Variants in MYH11 observed in about 807,000 individuals in gnomAD.
The protein encoded by MYH11 is myosin heavy chain 11, also known as myosin-11.
A neutral mutation model predicts 246.6 loss-of-function variants in MYH11; 80 were observed. The ratio of observed to expected loss-of-function variants is 0.32; its 90% CI spans 0.27 to 0.39. The LOEUF (loss-of-function observed/expected upper bound fraction) is 0.39, where lower values mean the gene tolerates loss of function less well. Ranked by LOEUF, MYH11 falls within the 10% of genes least tolerant of loss-of-function variation. The pLI, the probability that MYH11 is intolerant of heterozygous loss-of-function variation, is 1.00. For missense variants in MYH11, 2,158 were observed against 2,546.8 expected (o/e 0.85, Z 3.29); for synonymous variants, 1,071 against 1,015.5 (o/e 1.05, Z -1.04).
Position 15,726,904 on chromosome 16 carries a change from A to G in MYH11, c.3802T>C (p.Cys1268Arg). 2 of 1,612,718 alleles carry G rather than the reference A, an allele frequency of 1.2e-6. No individual in the cohort carries two copies. The highest frequency in any genetic ancestry group is 8.5e-7 in the Non-Finnish European group (1 of 1,180,008). The change falls in exon 28 of 41, where the codon TGC (cysteine) becomes CGC (arginine). Residue 1268 changes from cysteine (C) to arginine (R), a missense_variant. Coordinates refer to ENST00000300036, the MANE Select transcript of MYH11 (RefSeq NM_002474.3). ...GCCCGGGCCCGCTCCCCATCGCTGC[A>G]CTTGGACTGCAGCTCCTGCACCTGC... is the stretch of plus-strand genomic sequence containing the variant. ...EAQVQELQSK[C>R]SDGERARAEL...
At chr16:15,714,886 C>T (rs1596695424) in intron 40 of MYH11, 23 bp downstream of exon 40, 1 of 1,612,600 alleles carries the variant, frequency 6.2e-7, no homozygotes, top group East Asian at 2.2e-5. Flanking sequence ...AGACGGGGTC[C>T]TCCCGGGCCA....
intron 3 of MYH11, among the ~76,000 whole-genome samples, chr16:15,813,210 G>C (rs943151375): frequency 1.3e-5 from 2 of 151,708 alleles, no homozygotes; most frequent in Non-Finnish European, 2.9e-5. Context: ...TTAATTAGCT[G>C]AGCATGGTGG....
Position 15,719,293 on chromosome 16 carries a change from C to T in MYH11, c.5098G>A (p.Glu1700Lys). Residue 1700 changes from glutamate to lysine, a missense_variant, in exon 36 of 41, where the codon GAG (glutamate) becomes AAG (lysine). This residue lies in a region of MYH11 where 1,013 missense variants were observed against 993.5 expected (regional missense o/e 1.02). Coordinates refer to ENST00000300036, the MANE Select transcript of MYH11 (RefSeq NM_002474.3). ...AGGTCCGCTTGTTTGCGAGCCCTCT[C>T]AGCGGCGGCGAGGTCCTAGGTGGGA... The part of the protein sequence containing the change: ...MQLQEDLAAA[E>K]RARKQADLEK... 1 of 1,611,904 alleles carries T rather than the reference C, an allele frequency of 6.2e-7. No homozygotes were observed. The highest frequency in any genetic ancestry group is 2.2e-5 in the East Asian group (1 of 44,886).
intron 28 of MYH11, chr16:15,725,235 G>A: frequency 6.6e-6 from 4 of 601,710 alleles, no homozygotes; most frequent in Non-Finnish European, 1.2e-5. Context: ...TAGACTCTGT[G>A]GTTCTAAGAA....
chr16:15,738,395 C>A (rs945217960), intron 24 of MYH11, among the ~76,000 whole-genome samples, 170 bp downstream of exon 24: 1 of 152,096 alleles, frequency 6.6e-6, no homozygotes, highest in African/African-American at 2.4e-5. Flanking sequence ...CGCCTGTAGT[C>A]TCAGCTGCTC....
intron 3 of MYH11, among the ~76,000 whole-genome samples, chr16:15,818,423 T>A (rs911898046): frequency 6.6e-6 from 1 of 152,122 alleles, no homozygotes; most frequent in Non-Finnish European, 1.5e-5. Context: ...TTGACATTCT[T>A]TTTATTTTTT....
chr16:15,788,178 T>G (rs2042522670), intron 4 of MYH11, among the ~76,000 whole-genome samples: 1 of 147,766 alleles, frequency 6.8e-6, no homozygotes, highest in Admixed American at 7.0e-5. Context: ...AGATACTGCC[T>G]CTATGTTCCA....
At chr16:15,794,657 C>CGAGGGGAAGGGAGGA (rs1469644820) in intron 4 of MYH11, among the ~76,000 whole-genome samples, 1 of 151,922 alleles carries the variant, frequency 6.6e-6, no homozygotes, top group East Asian at 1.9e-4. Context: ...CTGAGAAGAT[C>CGAGGGGAAGGGAGGA]GAGGGGAAGG....
At chr16:15,771,896 C>A (rs76618381) in intron 8 of MYH11, among the ~76,000 whole-genome samples, 184 bp from the exon 9 acceptor site, 3 of 151,984 alleles carry the variant, frequency 2.0e-5, no homozygotes, top group African/African-American at 7.3e-5. Flanking sequence ...CCTTACACAG[C>A]GGTGCAGGTT....
In MYH11 at chr16:15,725,264, G is replaced by T. The variant is rs1158569428; in HGVS notation, c.3859-272C>A. 4 of 590,696 alleles carry T rather than the reference G, an allele frequency of 6.8e-6. No individual in the cohort carries two copies. The East Asian group carries it at 1.1e-4, about 17-fold the overall frequency. The allele number at this position is 590,696 out of a possible 1,614,324, so 36.6% of individuals were successfully genotyped here. ...CTAAGAACTTATTTGAGCCCCAATG[G>T]TATTGACTGGGACCTGATCCCACTA... On this transcript the variant is annotated intron_variant, in intron 28 of 40. Coordinates refer to ENST00000300036, the MANE Select transcript of MYH11 (RefSeq NM_002474.3).
Position 15,782,384 on chromosome 16 carries a change from C to T in MYH11, c.726+1G>A, listed in dbSNP as rs778155466. ...AAAATCCATGTGGCTTTGCTACTTACGAATCGTGAGGAGTTGTCGTTCTTC... is the reference window on the plus strand; with the variant it reads ...AAAATCCATGTGGCTTTGCTACTTATGAATCGTGAGGAGTTGTCGTTCTTC... On this transcript the variant is annotated splice_donor_variant, in intron 6 of 40. Transcript: ENST00000300036. LOFTEE classifies it high-confidence loss of function. 1.2e-6 allele frequency: 2 copies of T among 1,613,722 alleles called. No individual in the cohort carries two copies. Among genetic ancestry groups the T allele is most frequent in the South Asian group, 1.1e-5 (1 of 91,070 alleles).
At chr16:15,720,024 C>G (rs1449727865) in intron 34 of MYH11, 127 bp downstream of exon 34, 3 of 1,336,510 alleles carry the variant, frequency 2.2e-6, no homozygotes, top group Non-Finnish European at 3.2e-6. Flanking sequence ...TCCAGAAAAA[C>G]CCCAGCTGAA....
intron 2 of MYH11, among the ~76,000 whole-genome samples, chr16:15,824,900 G>A (rs529057055): frequency 6.6e-6 from 1 of 152,174 alleles, no homozygotes; most frequent in Non-Finnish European, 1.5e-5. Context: ...TTTGACAGGA[G>A]GGCAAAGTGA....
chr16:15,738,417 G>T, intron 24 of MYH11, 148 bp downstream of exon 24: 1 of 689,862 alleles, frequency 1.4e-6, no homozygotes, highest in Non-Finnish European at 2.3e-6. Context: ...GGAGGCTGAG[G>T]CAGGAGGATC....
intron 2 of MYH11, among the ~76,000 whole-genome samples, chr16:15,827,917 A>T (rs2151368826): frequency 6.6e-6 from 1 of 152,260 alleles, no homozygotes; most frequent in Non-Finnish European, 1.5e-5. Flanking sequence ...ACCTGAACAA[A>T]GGTCAATCAA....
At chr16:15,809,693 T>C (rs1373742611) in intron 3 of MYH11, among the ~76,000 whole-genome samples, 1 of 151,838 alleles carries the variant, frequency 6.6e-6, no homozygotes, top group Non-Finnish European at 1.5e-5. Flanking sequence ...GAGGCCGAGG[T>C]AGGTGGATTG....
intron 2 of MYH11, among the ~76,000 whole-genome samples, chr16:15,827,153 G>A (rs917043385): frequency 1.3e-5 from 2 of 152,144 alleles, no homozygotes; most frequent in Non-Finnish European, 2.9e-5. Flanking sequence ...CTGTGTCAGA[G>A]GCTGGAGATA....
At chr16:15,722,300 C>G (rs1346301626) in intron 31 of MYH11, among the ~76,000 whole-genome samples, 1 of 152,154 alleles carries the variant, frequency 6.6e-6, no homozygotes, top group Non-Finnish European at 1.5e-5. Context: ...ACAAAAGTAT[C>G]CTAAGAGCCT....
intron 26 of MYH11, among the ~76,000 whole-genome samples, chr16:15,733,861 G>C (rs2041039149): frequency 6.6e-6 from 1 of 152,186 alleles, no homozygotes; most frequent in African/African-American, 2.4e-5. Flanking sequence ...GGGCTCTTCT[G>C]TATCAAAGGC....
Sources: allele counts gnomAD v4.1 joint callset (sites outside exome capture counted in the v4.1 genomes callset), GRCh38; gene constraint gnomAD v4.1.1; regional missense constraint gnomAD v4.1.1; transcripts MANE v1.5; gene names NCBI Gene and HGNC (gene_info 2026-07-23, HGNC 2026-07-21).